RBFOX1: variants seen among roughly 807,000 people sequenced by gnomAD.
The protein encoded by RBFOX1 is RNA binding protein fox-1 homolog 1.
In RBFOX1, 8 loss-of-function variants were observed where a neutral mutation model predicts 57.7. The ratio of observed to expected loss-of-function variants is 0.14; its 90% confidence interval spans 0.08 to 0.25. RBFOX1 has a LOEUF of 0.25. Among genes scored for constraint, RBFOX1 ranks in the 10% least tolerant of loss-of-function variants. The pLI is 1.00. For synonymous variants in RBFOX1, 326 were observed against 222.4 expected, an observed-to-expected ratio of 1.47 and a Z score of -4.15; for missense variants, 611 against 548.5, an observed-to-expected ratio of 1.11 and a Z score of -1.14.
intron 2 of RBFOX1, among the ~76,000 whole-genome samples, chr16:5,558,059 C>T (rs1468175032): frequency 6.6e-6 from 1 of 152,196 alleles, no homozygotes; most frequent in Non-Finnish European, 1.5e-5. Context: ...CTATCCCCCG[C>T]TTCCAGCTCC....
At chr16:6,071,801 T>C (rs1385394716) in intron 1 of RBFOX1, among the ~76,000 whole-genome samples, 2 of 152,210 alleles carry the variant, frequency 1.3e-5, no homozygotes, top group Non-Finnish European at 2.9e-5. Flanking sequence ...TGAGCTTGTC[T>C]ATTGCAGACA....
intron 2 of RBFOX1, among the ~76,000 whole-genome samples, chr16:6,487,703 ATATATATATATATAT>A (rs2095533182): frequency 6.3e-4 from 3 of 4,780 alleles, no homozygotes; most frequent in African/African-American, 2.0e-3. Context: ...AAAAAAAAAT[ATATATATATATATAT>A]ATATATATAT....
chr16:6,952,434 CCCAGGAGTTTGAGA>C (rs1217038022), intron 3 of RBFOX1, among the ~76,000 whole-genome samples: 6 of 152,054 alleles, frequency 3.9e-5, no homozygotes, highest in African/African-American at 1.2e-4. Context: ...ATTGCTTGAG[CCCAGGAGTTTGAGA>C]CCAGCCTGGG....
chr16:6,684,435 T>C (rs1191572190), intron 3 of RBFOX1, among the ~76,000 whole-genome samples: 2 of 152,244 alleles, frequency 1.3e-5, no homozygotes, highest in African/African-American at 4.8e-5. Context: ...AGAGGGAATA[T>C]CAAGATGCAA....
chr16:5,617,539 C>T (rs1469910385), intron 3 of RBFOX1, among the ~76,000 whole-genome samples: 1 of 152,170 alleles, frequency 6.6e-6, no homozygotes, highest in Admixed American at 6.5e-5. Context: ...CATTGAAGTC[C>T]AGAAATGCTA....
At chr16:5,405,150 C>T (rs1375880659) in intron 1 of RBFOX1, among the ~76,000 whole-genome samples, 1 of 152,192 alleles carries the variant, frequency 6.6e-6, no homozygotes, top group Non-Finnish European at 1.5e-5. Context: ...TCATAGGGCT[C>T]CTCACTGCTG....
At chr16:7,524,420 C>T (rs746164851) in intron 5 of RBFOX1, among the ~76,000 whole-genome samples, 14 of 152,234 alleles carry the variant, frequency 9.2e-5, no homozygotes, top group East Asian at 1.9e-4. Flanking sequence ...AAACATATCA[C>T]GGATCACATT....
chr16:6,839,027 G>T (rs774594751), intron 3 of RBFOX1, among the ~76,000 whole-genome samples: 9 of 151,446 alleles, frequency 5.9e-5, no homozygotes, highest in African/African-American at 2.2e-4. Context: ...CTCTGTCGAC[G>T]AGGCTGGAGT....
intron 3 of RBFOX1, among the ~76,000 whole-genome samples, chr16:6,828,418 G>A (rs957810558): frequency 2.0e-5 from 3 of 151,994 alleles, no homozygotes; most frequent in African/African-American, 7.3e-5. Flanking sequence ...CAGCTACTCA[G>A]GAGACTGAGG....
chr16:5,782,320 C>T lies in RBFOX1; in HGVS notation c.319-84983C>T, dbSNP rs575119006. On this transcript the variant is annotated intron_variant, in intron 3 of 19. Coordinates refer to the RBFOX1 transcript ENST00000641259. ...TGCATTTCACAATGACATCTTGGTGCTTCATCCAAGAATGTTGTGTCCTCC... is the reference window on the plus strand; with the variant it reads ...TGCATTTCACAATGACATCTTGGTGTTTCATCCAAGAATGTTGTGTCCTCC... Among the ~76,000 whole-genome samples the T allele has an allele frequency of 1.1e-3, 168 of 152,300 alleles. 2 individuals are homozygous for T. The highest frequency in any genetic ancestry group is 3.8e-3 in the African/African-American group (158 of 41,562).
At chr16:7,444,714 T>G (rs1009230432) in intron 4 of RBFOX1, among the ~76,000 whole-genome samples, 23 of 152,120 alleles carry the variant, frequency 1.5e-4, no homozygotes, top group African/African-American at 4.6e-4. Flanking sequence ...ACATTATTTG[T>G]AGAGGTGAGG....
At chr16:5,988,856 A>C in intron 4 of RBFOX1, among the ~76,000 whole-genome samples, 1 of 152,148 alleles carries the variant, frequency 6.6e-6, no homozygotes, top group East Asian at 1.9e-4. Context: ...TATGAAACAC[A>C]GCTCTTTGGC....
intron 4 of RBFOX1, among the ~76,000 whole-genome samples, chr16:5,980,922 G>A (rs1004935853): frequency 1.3e-5 from 2 of 152,078 alleles, no homozygotes; most frequent in Admixed American, 1.3e-4. Context: ...CCTTCTATGT[G>A]CCACAAGTAG....
chr16:6,145,905 CT>C (rs572824460), intron 1 of RBFOX1, among the ~76,000 whole-genome samples: 299 of 152,292 alleles, frequency 2.0e-3, no homozygotes, highest in Non-Finnish European at 3.4e-3. Context: ...GGTATTTTGA[CT>C]GATTTTTCAC....
At chr16:7,348,557 A>T (rs2097063292) in intron 4 of RBFOX1, among the ~76,000 whole-genome samples, 2 of 152,348 alleles carry the variant, frequency 1.3e-5, no homozygotes, top group South Asian at 4.1e-4. Flanking sequence ...AAGTAAATAG[A>T]TCACCAAAGA....
chr16:6,863,478 G>A (rs1275611765), intron 3 of RBFOX1, among the ~76,000 whole-genome samples: 2 of 151,964 alleles, frequency 1.3e-5, no homozygotes, highest in Non-Finnish European at 2.9e-5. Flanking sequence ...AATTCATTAT[G>A]TTGCCTGTAC....
chr16:6,703,699 C>T (rs1292535656), intron 3 of RBFOX1, among the ~76,000 whole-genome samples: 1 of 151,796 alleles, frequency 6.6e-6, no homozygotes, highest in Non-Finnish European at 1.5e-5. Flanking sequence ...ACAGTTAGAC[C>T]CAGTTTCAAA....
intron 10 of RBFOX1, chr16:7,614,845 C>G (rs1022924984): frequency 6.6e-6 from 1 of 152,208 alleles, no homozygotes; most frequent in African/African-American, 2.4e-5. Context: ...ATTATGAAGT[C>G]AAGGTTTCTG....
intron 2 of RBFOX1, among the ~76,000 whole-genome samples, chr16:6,611,945 C>G (rs1004484861): frequency 6.6e-6 from 1 of 152,044 alleles, no homozygotes; most frequent in African/African-American, 2.4e-5. Flanking sequence ...CTGCAGTCAC[C>G]TCTTCCTCAA....
Sources: allele counts gnomAD v4.1 joint callset (sites outside exome capture counted in the v4.1 genomes callset), GRCh38; gene constraint gnomAD v4.1.1; transcripts MANE v1.5; gene names NCBI Gene and HGNC (gene_info 2026-07-23, HGNC 2026-07-21).